The following TMTC2 variants were observed in gnomAD, a reference collection of about 807,000 sequenced individuals.
TMTC2 encodes the protein protein O-mannosyl-transferase TMTC2.
In TMTC2, 43 loss-of-function variants were observed where a neutral mutation model predicts 82.4. That is an observed-to-expected ratio of 0.52 (90% CI 0.41 to 0.67). The LOEUF is 0.67. TMTC2 is among the 30% of genes least tolerant of loss of function. TMTC2 has a pLI of 0.00. For synonymous variants in TMTC2, 408 were observed against 381.9 expected, an observed-to-expected ratio of 1.07 and a Z score of -0.80; for missense variants, 919 against 1,012.4, an observed-to-expected ratio of 0.91 and a Z score of 1.25.
intron 11 of TMTC2, among the ~76,000 whole-genome samples, chr12:83,071,457 T>G (rs1352939449): frequency 6.6e-6 from 1 of 152,128 alleles, no homozygotes; most frequent in African/African-American, 2.4e-5. Flanking sequence ...GTGCCTGGCC[T>G]GGTCTGTAGT....
At chr12:82,735,016 C>T (rs1875012445) in intron 1 of TMTC2, among the ~76,000 whole-genome samples, 1 of 152,166 alleles carries the variant, frequency 6.6e-6, no homozygotes, top group South Asian at 2.1e-4. Context: ...AGATTCATTG[C>T]AGGTTAATTC....
chr12:83,025,308 TGTTA>T (rs1343963869), intron 8 of TMTC2, among the ~76,000 whole-genome samples: 3 of 151,928 alleles, frequency 2.0e-5, no homozygotes, highest in African/African-American at 4.8e-5. Flanking sequence ...TAAAGATTTG[TGTTA>T]GTTTATAGAA....
chr12:82,906,229 T>A (rs1268460500), intron 3 of TMTC2, among the ~76,000 whole-genome samples: 1 of 152,206 alleles, frequency 6.6e-6, no homozygotes, highest in African/African-American at 2.4e-5. Flanking sequence ...TGTCTTTAAC[T>A]ATGATGAGTT....
chr12:82,756,399 C>G (rs1876327202), intron 1 of TMTC2, among the ~76,000 whole-genome samples: 3 of 152,080 alleles, frequency 2.0e-5, no homozygotes, highest in Non-Finnish European at 2.9e-5. Flanking sequence ...ATATTCTTTA[C>G]AAAAAGAGAG....
At chr12:83,125,702 C>T (rs542797748) in intron 11 of TMTC2, among the ~76,000 whole-genome samples, 48 of 152,294 alleles carry the variant, frequency 3.2e-4, no homozygotes, top group South Asian at 1.2e-3. Context: ...ATTATGTCTG[C>T]ATTCAAACAG....
chr12:82,761,872 C>CTCTTTCTT (rs755058727), intron 1 of TMTC2, among the ~76,000 whole-genome samples: 1 of 10,664 alleles, frequency 9.4e-5, no homozygotes, highest in Admixed American at 2.0e-3. Flanking sequence ...TTCTCTTTCT[C>CTCTTTCTT]TCTTTCTTTC....
chr12:82,875,019 A>G (rs1364476490), intron 2 of TMTC2, among the ~76,000 whole-genome samples: 1 of 152,178 alleles, frequency 6.6e-6, no homozygotes, highest in Non-Finnish European at 1.5e-5. Flanking sequence ...AAGGCCAGAT[A>G]GTCAATGTTT....
intron 4 of TMTC2, among the ~76,000 whole-genome samples, chr12:82,951,189 TG>T (rs377216543): frequency 3.3e-5 from 5 of 152,354 alleles, no homozygotes; most frequent in African/African-American, 1.2e-4. Context: ...AGTTTATGTG[TG>T]GCATGGTGGT....
chr12:82,848,045 G>A lies in TMTC2; in HGVS notation c.84-8965G>A, dbSNP rs113205745. ...AAGATGCCTTTTCAACTTCTAAGGA[G>A]TTAGCAATATATTGGGGAGATGAAG... On this transcript the variant is annotated intron_variant, in intron 1 of 11. Coordinates refer to ENST00000321196, the MANE Select transcript of TMTC2 (RefSeq NM_152588.3). Among the ~76,000 whole-genome samples, 706 of 152,234 alleles carry A rather than the reference G, an allele frequency of 4.6e-3. 10 individuals are homozygous for A. The highest frequency in any genetic ancestry group is 0.016 in the African/African-American group (684 of 41,496).
intron 9 of TMTC2, among the ~76,000 whole-genome samples, chr12:83,041,524 A>G (rs1035983453): frequency 5.3e-5 from 8 of 152,312 alleles, no homozygotes; most frequent in Admixed American, 5.2e-4. Context: ...TATCCTGGAG[A>G]ATGATTAAAA....
At chr12:82,728,313 A>T (rs1043364380) in intron 1 of TMTC2, among the ~76,000 whole-genome samples, 1 of 151,950 alleles carries the variant, frequency 6.6e-6, no homozygotes, top group South Asian at 2.1e-4. Flanking sequence ...AAATTAATTT[A>T]TGATTATTTA....
intron 3 of TMTC2, among the ~76,000 whole-genome samples, chr12:82,907,924 C>T (rs958792753): frequency 1.3e-5 from 2 of 152,016 alleles, no homozygotes; most frequent in East Asian, 3.9e-4. Context: ...CCAGCCTGGC[C>T]AATATGGTGA....
At chr12:82,996,306 AGGGC>A (rs1879614897) in intron 8 of TMTC2, among the ~76,000 whole-genome samples, 1 of 152,202 alleles carries the variant, frequency 6.6e-6, no homozygotes, top group African/African-American at 2.4e-5. Flanking sequence ...GTGAGGGTGA[AGGGC>A]ATGGGAGACC....
At chr12:82,972,117 A>G (rs1878475624) in intron 7 of TMTC2, among the ~76,000 whole-genome samples, 1 of 152,204 alleles carries the variant, frequency 6.6e-6, no homozygotes, top group South Asian at 2.1e-4. Context: ...AGAAATACAT[A>G]TTCATAATTT....
intron 8 of TMTC2, among the ~76,000 whole-genome samples, chr12:83,018,669 T>TC (rs1465286371): frequency 3.3e-5 from 5 of 150,062 alleles, no homozygotes; most frequent in Non-Finnish European, 7.4e-5. Flanking sequence ...GCGGGTTTTT[T>TC]TTTTTTCCCT....
chr12:82,876,759 T>C (rs1341033764), intron 2 of TMTC2, among the ~76,000 whole-genome samples: 1 of 152,226 alleles, frequency 6.6e-6, no homozygotes, highest in Non-Finnish European at 1.5e-5. Flanking sequence ...TTTACTTCTT[T>C]ATCTTGATCA....
intron 1 of TMTC2, among the ~76,000 whole-genome samples, chr12:82,839,430 T>G (rs73358275): frequency 0.041 from 6,173 of 152,246 alleles, 429 homozygotes; most frequent in African/African-American, 0.14. Flanking sequence ...TTTTAGGCCA[T>G]CATAAATTAT....
chr12:82,977,586 A>G (rs1878730317), intron 7 of TMTC2, among the ~76,000 whole-genome samples: 1 of 151,874 alleles, frequency 6.6e-6, no homozygotes, highest in Admixed American at 6.6e-5. Flanking sequence ...AGCAAAGTAT[A>G]TTTCATGTGG....
chr12:82,972,277 T>C (rs534406788), intron 7 of TMTC2, among the ~76,000 whole-genome samples: 24 of 152,176 alleles, frequency 1.6e-4, no homozygotes, highest in Admixed American at 1.3e-4. Flanking sequence ...GATTCTCTTA[T>C]GATAATCTCT....
Sources: gnomAD v4.1 joint callset for allele counts (sites outside exome capture counted in the v4.1 genomes callset) on GRCh38, gnomAD v4.1.1 for gene constraint, MANE v1.5 for transcripts, NCBI Gene and HGNC (gene_info 2026-07-23, HGNC 2026-07-21) for gene names.